The following SPECC1 variants were observed in gnomAD, a reference collection of about 807,000 sequenced individuals.
The protein encoded by SPECC1 is sperm antigen with calponin homology and coiled-coil domains 1.
Under a neutral mutation model 104.1 loss-of-function variants are expected in SPECC1, and 62 were observed. The ratio of observed to expected loss-of-function variants is 0.60; its 90% CI spans 0.49 to 0.74. The LOEUF is 0.74. Ranked by LOEUF, SPECC1 falls within the 30% of genes least tolerant of loss-of-function variation. The pLI, the probability that SPECC1 is intolerant of heterozygous loss-of-function variation, is 0.00. For synonymous variants in SPECC1, 513 were observed against 501.6 expected, an observed-to-expected ratio of 1.02 and a Z score of -0.30; for missense variants, 1,306 against 1,310.5, an observed-to-expected ratio of 1.00 and a Z score of 0.05.
chr17:20,074,470 A>C (rs977502627), intron 1 of SPECC1, among the ~76,000 whole-genome samples: 1 of 152,184 alleles, frequency 6.6e-6, no homozygotes, highest in Non-Finnish European at 1.5e-5. Context: ...TATTTTCTAG[A>C]AATTAAGTTT....
At chr17:20,094,989 G>T (rs1378625770) in intron 1 of SPECC1, among the ~76,000 whole-genome samples, 2 of 152,248 alleles carry the variant, frequency 1.3e-5, no homozygotes, top group African/African-American at 4.8e-5. Flanking sequence ...CCATGAGTCA[G>T]TCAGACTGAC....
At chr17:20,134,126 A>G (rs1443772962) in intron 3 of SPECC1, among the ~76,000 whole-genome samples, 1 of 150,062 alleles carries the variant, frequency 6.7e-6, no homozygotes, top group African/African-American at 2.4e-5. Context: ...ATATAACAAA[A>G]TATAGTATAA....
At chr17:20,311,847 C>T (rs1423172414) in intron 14 of SPECC1, among the ~76,000 whole-genome samples, 1 of 152,146 alleles carries the variant, frequency 6.6e-6, no homozygotes, top group African/African-American at 2.4e-5. Context: ...TTGAGAGTTA[C>T]CACCTATAAA....
At chr17:20,220,375 T>C (rs902833422) in intron 4 of SPECC1, among the ~76,000 whole-genome samples, 10 of 152,128 alleles carry the variant, frequency 6.6e-5, no homozygotes, top group African/African-American at 9.7e-5. Context: ...GTTTTCATTG[T>C]AGAGATCTTT....
intron 3 of SPECC1, among the ~76,000 whole-genome samples, chr17:20,134,133 A>G (rs184412303): frequency 1.3e-3 from 190 of 150,142 alleles, no homozygotes; most frequent in African/African-American, 4.5e-3. Context: ...AAAATATAGT[A>G]TAAAATATAT....
At chr17:20,182,119 C>CTTTTCTTT (rs141220000) in intron 3 of SPECC1, among the ~76,000 whole-genome samples, 1 of 136,580 alleles carries the variant, frequency 7.3e-6, no homozygotes, top group African/African-American at 2.8e-5. Context: ...CTTTCTTTTT[C>CTTTTCTTT]TTTTTTTTTT....
chr17:20,073,471 G>GAA (rs776115498), intron 1 of SPECC1: 221 of 152,362 alleles, frequency 1.5e-3, no homozygotes, highest in Middle Eastern at 6.7e-3. Flanking sequence ...GTAAGAAAGA[G>GAA]AAGAGAGAGA....
At position 20,238,361 on chromosome 17, in the gene SPECC1, G is replaced by T. The variant is rs1598061237; in HGVS notation, c.2351+5956G>T. The T allele has an allele frequency of 6.7e-6, 7 of 1,040,756 alleles. No individual in the cohort carries two copies. The East Asian group carries it at 3.5e-4, about 52-fold the overall frequency. 64.5% of individuals were successfully genotyped at this position (1,040,756 alleles called of 1,614,324 possible). On this transcript the variant is annotated intron_variant, in intron 7 of 14. Transcript: ENST00000395527. ...TAAACTTCTGGAAATATGTGTGTTT[G>T]TGAAGATCCAAATCCAATTCAGCAA...
intron 12 of SPECC1, among the ~76,000 whole-genome samples, chr17:20,276,374 T>C (rs2040577052): frequency 6.6e-6 from 1 of 152,190 alleles, no homozygotes; most frequent in African/African-American, 2.4e-5. Context: ...CCCACATTAG[T>C]CTCCCCACTT....
intron 11 of SPECC1, 126 bp downstream of exon 11, chr17:20,257,733 C>T (rs983801919): frequency 2.4e-6 from 3 of 1,261,814 alleles, no homozygotes; most frequent in Admixed American, 4.7e-5. Flanking sequence ...ATGACTAAGA[C>T]ACTGTGCCTG....
chr17:20,044,083 A>C (rs771899281), intron 1 of SPECC1, among the ~76,000 whole-genome samples: 24 of 152,102 alleles, frequency 1.6e-4, no homozygotes, highest in Non-Finnish European at 2.5e-4. Flanking sequence ...GCATCATAGA[A>C]TCCAAGAATT....
chr17:20,141,872 G>A (rs2152560409), intron 3 of SPECC1, among the ~76,000 whole-genome samples: 1 of 152,300 alleles, frequency 6.6e-6, no homozygotes, highest in Non-Finnish European at 1.5e-5. Flanking sequence ...ACGTAACTTT[G>A]TGATCTTCTC....
At chr17:20,209,045 G>GT (rs1208359855) in intron 4 of SPECC1, among the ~76,000 whole-genome samples, 1 of 152,152 alleles carries the variant, frequency 6.6e-6, no homozygotes, top group East Asian at 1.9e-4. Context: ...ATGTAATCAA[G>GT]TTTTTTTCTC....
intron 1 of SPECC1, among the ~76,000 whole-genome samples, chr17:20,049,121 T>G (rs974268606): frequency 1.3e-5 from 2 of 152,102 alleles, no homozygotes; most frequent in Non-Finnish European, 2.9e-5. Context: ...CACTTGTACA[T>G]TTGATAGACG....
chr17:20,267,483 C>T (rs1351738556), intron 12 of SPECC1, among the ~76,000 whole-genome samples: 1 of 152,144 alleles, frequency 6.6e-6, no homozygotes, highest in Non-Finnish European at 1.5e-5. Context: ...GTAGAATGTC[C>T]TCCTCTTTAT....
chr17:20,103,007 A>G (rs1457633164), intron 2 of SPECC1, among the ~76,000 whole-genome samples: 1 of 152,224 alleles, frequency 6.6e-6, no homozygotes, highest in African/African-American at 2.4e-5. Flanking sequence ...TGAAGAAACC[A>G]AAGCACAGAG....
chr17:20,283,414 T>C (rs2040840910), intron 12 of SPECC1, among the ~76,000 whole-genome samples: 1 of 152,216 alleles, frequency 6.6e-6, no homozygotes, highest in African/African-American at 2.4e-5. Flanking sequence ...AATAACATCT[T>C]CATTAACCTT....
At chr17:20,298,948 A>AGAGAGAGAGAGAGG in intron 13 of SPECC1, among the ~76,000 whole-genome samples, 3 of 49,070 alleles carry the variant, frequency 6.1e-5, no homozygotes, top group Admixed American at 2.1e-4. Context: ...AGAGAGAGAG[A>AGAGAGAGAGAGAGG]GTGTGTGTGT....
rs548106988 is a variant in SPECC1, at chr17:20,268,327, A to G, written c.2940+8033A>G. On this transcript the variant is annotated intron_variant, in intron 12 of 14. Coordinates refer to ENST00000395527, the MANE Select transcript of SPECC1 (RefSeq NM_001243439.2). ...AAAAAATCAGTCTTTGTGTGTCCACACTGAATTTTGCTTTGAATCTGGAAA... is the reference window on the plus strand; with the variant it reads ...AAAAAATCAGTCTTTGTGTGTCCACGCTGAATTTTGCTTTGAATCTGGAAA... Among the ~76,000 whole-genome samples the G allele has an allele frequency of 2.8e-4, 42 of 152,336 alleles. No individual in the cohort carries two copies. In the East Asian group the frequency reaches 6.9e-3, roughly 25 times the overall value.
Sources: gnomAD v4.1 joint callset for allele counts (sites outside exome capture counted in the v4.1 genomes callset) on GRCh38, gnomAD v4.1.1 for gene constraint, MANE v1.5 for transcripts, NCBI Gene and HGNC (gene_info 2026-07-23, HGNC 2026-07-21) for gene names.